RABGAP1: variants seen among roughly 807,000 people sequenced by gnomAD.
RABGAP1 encodes rab GTPase-activating protein 1.
Under a neutral mutation model 137.6 loss-of-function variants are expected in RABGAP1, and 23 were observed. The observed-to-expected ratio is 0.17, with a 90% CI of 0.12 to 0.24. RABGAP1 has a LOEUF of 0.24. Ranked by LOEUF, RABGAP1 falls within the 10% of genes least tolerant of loss-of-function variation. The probability of loss-of-function intolerance (pLI) is 1.00; values close to 1 mark genes in which losing one functional copy is unlikely to be tolerated. For synonymous variants in RABGAP1, 451 were observed against 450.7 expected (o/e 1.00, Z -0.01); for missense variants, 906 against 1,275.8 (o/e 0.71, Z 4.42).
intron 13 of RABGAP1, chr9:123,062,495 G>T (rs1331777275): frequency 6.6e-6 from 1 of 152,146 alleles, no homozygotes; most frequent in Non-Finnish European, 1.5e-5. Context: ...CAAGTCAAAT[G>T]AATTTATTCC....
chr9:122,957,299 A>T (rs866035322), intron 2 of RABGAP1, 90 bp downstream of exon 2: 1 of 1,040,774 alleles, frequency 9.6e-7, no homozygotes, highest in Middle Eastern at 2.2e-4. Context: ...ATGGGAGGAA[A>T]GTGAGAACAT....
chr9:123,007,973 A>G (rs1464726158), intron 10 of RABGAP1, among the ~76,000 whole-genome samples: 3 of 149,820 alleles, frequency 2.0e-5, no homozygotes, highest in Admixed American at 1.3e-4. Flanking sequence ...TTTAAATTAT[A>G]TGTATAATTT....
chr9:122,944,856 A>AG (rs1429508961), intron 1 of RABGAP1, among the ~76,000 whole-genome samples: 1 of 151,986 alleles, frequency 6.6e-6, no homozygotes, highest in Non-Finnish European at 1.5e-5. Flanking sequence ...GGATTACAAG[A>AG]GAAAGCCACC....
chr9:122,994,001 ACTT>A (rs1836884604), intron 6 of RABGAP1, among the ~76,000 whole-genome samples: 1 of 151,996 alleles, frequency 6.6e-6, no homozygotes, highest in Non-Finnish European at 1.5e-5. Flanking sequence ...CATTCAAGAC[ACTT>A]CTTTTTTGTT....
At chr9:123,033,838 C>T (rs1277692138) in intron 13 of RABGAP1, 2 of 152,318 alleles carry the variant, frequency 1.3e-5, no homozygotes, top group Non-Finnish European at 2.9e-5. Flanking sequence ...AGTAAATTAT[C>T]TTGGCTAATT....
chr9:122,976,577 A>G (rs1432830512), intron 2 of RABGAP1, among the ~76,000 whole-genome samples: 2 of 152,236 alleles, frequency 1.3e-5, no homozygotes, highest in Admixed American at 6.5e-5. Flanking sequence ...TAGAATATTC[A>G]GTATCCAAGT....
chr9:123,011,923 T>A (rs936036340), intron 11 of RABGAP1, among the ~76,000 whole-genome samples: 1 of 152,112 alleles, frequency 6.6e-6, no homozygotes, highest in Non-Finnish European at 1.5e-5. Context: ...CCATTTGCAC[T>A]CCAGCCTGGG....
chr9:123,066,752 G>A (rs1414717916), intron 14 of RABGAP1, among the ~76,000 whole-genome samples: 1 of 152,108 alleles, frequency 6.6e-6, no homozygotes, highest in Admixed American at 6.5e-5. Flanking sequence ...TAAATTTCCA[G>A]CAGACAATTA....
rs908648850 is a variant in RABGAP1, at chr9:122,974,449, A to G, written c.151-10036A>G. Among the ~76,000 whole-genome samples, 6 of 125,394 alleles carry G rather than the reference A, an allele frequency of 4.8e-5. No individual in the cohort carries two copies. The Admixed American group carries it at 5.0e-4, about 10-fold the overall frequency. The allele number at this position is 125,394 out of a possible 152,430, so 82.3% of individuals were successfully genotyped here. A position where few individuals can be genotyped will look rare whatever the true frequency, so the allele number is the denominator to read the frequency against. ...TTTTTTTTTTTTTTTTTTAGTTATA[A>G]TAATGTTTGCTTGATATAGAAAACC... On this transcript the variant is annotated intron_variant, in intron 2 of 25. Transcript: ENST00000373647.
chr9:123,096,922 A>G (rs1427722539), intron 21 of RABGAP1, among the ~76,000 whole-genome samples: 1 of 152,306 alleles, frequency 6.6e-6, no homozygotes, highest in East Asian at 1.9e-4. Flanking sequence ...TCCAAAGAAG[A>G]TACAGGAAAG....
At chr9:122,932,320 A>T in the RABGAP1 span, among the ~76,000 whole-genome samples, 1 of 152,148 alleles carries the variant, frequency 6.6e-6, no homozygotes, top group South Asian at 2.1e-4. Context: ...CTCTGGAGTT[A>T]AAGTGATCCA....
chr9:122,996,941 T>G (rs1010740378), intron 8 of RABGAP1: 3 of 520,482 alleles, frequency 5.8e-6, no homozygotes, highest in Admixed American at 5.5e-5. Flanking sequence ...ATTAGTATTA[T>G]TCCCATTATC....
rs1194624487 is a variant in RABGAP1 at position 123,029,814 on chromosome 9, G to A, written c.1794+9355G>A. 4 of 443,736 alleles carry A rather than the reference G, an allele frequency of 9.0e-6. No individual in the cohort carries two copies. The East Asian group carries it at 2.1e-4, about 23-fold the overall frequency. The allele number at this position is 443,736 out of a possible 1,614,324, so 27.5% of individuals were successfully genotyped here. On this transcript the variant is annotated intron_variant, in intron 13 of 25. Transcript: ENST00000373647. ...CTTGCTAAGATGTCAGACAAAAAGT[G>A]AAGCTCATTTTTACCAAATAATAAG...
chr9:123,045,438 C>CT (rs1451333529), intron 13 of RABGAP1, among the ~76,000 whole-genome samples: 1 of 152,128 alleles, frequency 6.6e-6, no homozygotes, highest in Non-Finnish European at 1.5e-5. Context: ...TCGTAGGAAT[C>CT]TAAGTCATTC....
intron 13 of RABGAP1, among the ~76,000 whole-genome samples, chr9:123,037,713 G>T (rs901770820): frequency 2.0e-5 from 3 of 152,078 alleles, no homozygotes; most frequent in Non-Finnish European, 4.4e-5. Flanking sequence ...CAGCAGGTTT[G>T]ATCTTATTTT....
chr9:122,945,355 A>G (rs899914060), intron 1 of RABGAP1: 5 of 152,000 alleles, frequency 3.3e-5, no homozygotes, highest in Non-Finnish European at 5.9e-5. Flanking sequence ...GGAAGTGTGC[A>G]AGTCTTGAAC....
chr9:123,011,866 A>T (rs1186464517), intron 11 of RABGAP1, among the ~76,000 whole-genome samples: 1 of 152,176 alleles, frequency 6.6e-6, no homozygotes, highest in East Asian at 1.9e-4. Flanking sequence ...GAGGCAGGAG[A>T]GTTGATTGTA....
intron 10 of RABGAP1, among the ~76,000 whole-genome samples, chr9:123,001,436 T>C (rs554217349): frequency 2.0e-5 from 3 of 152,356 alleles, no homozygotes; most frequent in East Asian, 3.9e-4. Flanking sequence ...TTTATTTCGA[T>C]AGCAAGAATT....
At position 122,997,355 on chromosome 9, in the gene RABGAP1, C is replaced by A; in HGVS notation, c.1198C>A (p.Pro400Thr). The change falls in exon 9 of 26, where the codon CCT becomes ACT. Residue 400 changes from proline (P) to threonine (T), a missense_variant. This residue lies in a region of RABGAP1 where 212 missense variants were observed against 289.4 expected (regional missense o/e 0.73). Coordinates refer to ENST00000373647, the MANE Select transcript of RABGAP1 (RefSeq NM_012197.4). ...PHFQVVNEET[P>T]KDKVLFMTTA... ...TTTTCAAGTTGTAAATGAAGAAACT[C>A]CTAAAGGTGATACAGATTGTTGACA... 6.3e-7 allele frequency: 1 copy of A among 1,596,716 alleles called. No homozygotes were observed. Among genetic ancestry groups the A allele is most frequent in the South Asian group, 1.1e-5 (1 of 89,616 alleles).
Sources: allele counts gnomAD v4.1 joint callset (sites outside exome capture counted in the v4.1 genomes callset), GRCh38; gene constraint gnomAD v4.1.1; regional missense constraint gnomAD v4.1.1; transcripts MANE v1.5; gene names NCBI Gene and HGNC (gene_info 2026-07-23, HGNC 2026-07-21).